EIF4E3: variants seen among roughly 807,000 people sequenced by gnomAD.
EIF4E3 encodes the protein eukaryotic translation initiation factor 4E type 3.
In EIF4E3, 26 loss-of-function variants were observed where a neutral mutation model predicts 31.7. That is an observed-to-expected ratio of 0.82 (90% CI 0.60 to 1.14). EIF4E3 has a LOEUF of 1.14. EIF4E3 is among the 50% of genes most tolerant of loss of function. EIF4E3 has a pLI of 0.00. For missense variants in EIF4E3, 304 were observed against 270.9 expected (o/e 1.12, Z -0.86); for synonymous variants, 128 against 107.7 (o/e 1.19, Z -1.17).
chr3:71,697,575 C>G (rs1006800430), intron 3 of EIF4E3, among the ~76,000 whole-genome samples: 22 of 151,990 alleles, frequency 1.4e-4, no homozygotes, highest in Non-Finnish European at 2.9e-4. Context: ...CACAACTTCC[C>G]AGCTCTGGTA....
chr3:71,688,766 G>T (rs964625895), intron 6 of EIF4E3, among the ~76,000 whole-genome samples: 5 of 152,078 alleles, frequency 3.3e-5, no homozygotes, highest in Non-Finnish European at 7.3e-5. Flanking sequence ...AATAAAAATG[G>T]CATCGGCAAA....
chr3:71,672,489 C>T (rs766338199), downstream of EIF4E3, among the ~76,000 whole-genome samples: 12 of 152,186 alleles, frequency 7.9e-5, no homozygotes, highest in Admixed American at 3.3e-4. Context: ...ACAGCCTGAG[C>T]AGGGAGGAAG....
rs1012967092 is a variant in EIF4E3 at position 71,694,816 on chromosome 3, G to T, written c.406-875C>A. 2.9e-4 allele frequency among the ~76,000 whole-genome samples: 44 copies of T among 152,118 alleles called. 2 individuals are homozygous for T. Among genetic ancestry groups the T allele is most frequent in the African/African-American group, 2.4e-5 (1 of 41,420 alleles). ...AAATAATAATAGGTCCGACCTTCCA[G>T]GGCTGTTGTGGGTATGAAATTAGTC... On this transcript the variant is annotated intron_variant, in intron 4 of 6. Coordinates refer to ENST00000425534, the MANE Select transcript of EIF4E3 (RefSeq NM_001134651.2).
At chr3:71,723,788 C>T (rs868835421) in intron 1 of EIF4E3, among the ~76,000 whole-genome samples, 1 of 152,128 alleles carries the variant, frequency 6.6e-6, no homozygotes, top group African/African-American at 2.4e-5. Flanking sequence ...GCCAAAAGCA[C>T]GCTTGTTATG....
At chr3:71,751,232 AAAAT>A (rs1189905638) in intron 1 of EIF4E3, among the ~76,000 whole-genome samples, 2 of 152,108 alleles carry the variant, frequency 1.3e-5, no homozygotes, top group Non-Finnish European at 2.9e-5. Context: ...ACCCTGTTTC[AAAAT>A]AAATAAAGTC....
the EIF4E3 span, among the ~76,000 whole-genome samples, chr3:71,664,539 C>T: frequency 3.3e-5 from 5 of 152,136 alleles, no homozygotes; most frequent in African/African-American, 1.2e-4. Context: ...ACCAATGGTA[C>T]ACAACCTTGG....
At chr3:71,695,513 A>C (rs988459485) in intron 4 of EIF4E3, among the ~76,000 whole-genome samples, 1 of 152,232 alleles carries the variant, frequency 6.6e-6, no homozygotes, top group Non-Finnish European at 1.5e-5. Context: ...TGAAATTTTA[A>C]GAACACCTTA....
At chr3:71,685,370 AT>A (rs1356701313) in intron 6 of EIF4E3, among the ~76,000 whole-genome samples, 2 of 152,188 alleles carry the variant, frequency 1.3e-5, no homozygotes, top group African/African-American at 4.8e-5. Flanking sequence ...ATATATATAT[AT>A]TTTTTTGAGA....
intron 1 of EIF4E3, among the ~76,000 whole-genome samples, chr3:71,740,048 T>G (rs975591254): frequency 6.6e-6 from 1 of 152,022 alleles, no homozygotes. Flanking sequence ...AAATGTACAC[T>G]GTGAATCCTA....
upstream of EIF4E3, chr3:71,729,127 C>G (rs2108131588): frequency 6.6e-6 from 1 of 152,386 alleles, no homozygotes; most frequent in African/African-American, 2.4e-5. Context: ...GCCCAACTTT[C>G]ATCATCACCA....
At chr3:71,670,006 A>G in the EIF4E3 span, among the ~76,000 whole-genome samples, 18 of 152,312 alleles carry the variant, frequency 1.2e-4, no homozygotes, top group African/African-American at 4.3e-4. Context: ...TGGATTTAAA[A>G]CCACAAACCT....
intron 3 of EIF4E3, among the ~76,000 whole-genome samples, chr3:71,699,388 C>T (rs1440561389): frequency 6.6e-6 from 1 of 152,070 alleles, no homozygotes; most frequent in South Asian, 2.1e-4. Context: ...GGATTTATTA[C>T]TAACTGGGAC....
rs746033675 is a variant in EIF4E3 at position 71,714,265 on chromosome 3, GGAAGGAAA to G, written c.177-3789_177-3782del. ...GGAAAGGAAGGAAGGAAGGAAGGAAGGAAGGAAAGAAGGAAGGAAGGAAGGAAGGAAGG... is the reference window on the plus strand; with the variant it reads ...GGAAAGGAAGGAAGGAAGGAAGGAAGGAAGGAAGGAAGGAAGGAAGGAAGG... On this transcript the variant is annotated intron_variant, in intron 1 of 6. Coordinates refer to ENST00000425534, the MANE Select transcript of EIF4E3 (RefSeq NM_001134651.2). 6.8e-3 allele frequency among the ~76,000 whole-genome samples: 780 copies of G among 114,326 alleles called. 13 individuals carry two copies. Among genetic ancestry groups the G allele is most frequent in the African/African-American group, 0.029 (701 of 23,802 alleles). 75.0% of individuals were successfully genotyped at this position (114,326 alleles called of 152,430 possible).
At chr3:71,728,476 C>T (rs746838630), upstream of EIF4E3, 9 of 152,620 alleles carry the variant, frequency 5.9e-5, no homozygotes, top group Non-Finnish European at 1.3e-4. Context: ...GGTGACTTAC[C>T]CGAGGCCACA....
chr3:71,674,563 C>T (rs2048862723), downstream of EIF4E3, among the ~76,000 whole-genome samples: 1 of 152,104 alleles, frequency 6.6e-6, no homozygotes, highest in African/African-American at 2.4e-5. Context: ...CAATATGGTA[C>T]AATAAGGTAG....
the EIF4E3 span, among the ~76,000 whole-genome samples, chr3:71,663,757 A>G: frequency 1.3e-5 from 2 of 152,204 alleles, no homozygotes; most frequent in African/African-American, 4.8e-5. Flanking sequence ...TTATGCAACA[A>G]AAGTCCTTTG....
At chr3:71,717,625 A>G (rs1478008616) in intron 1 of EIF4E3, among the ~76,000 whole-genome samples, 1 of 152,148 alleles carries the variant, frequency 6.6e-6, no homozygotes, top group Admixed American at 6.6e-5. Flanking sequence ...ATACTTTAGG[A>G]TGAGAGAATT....
chr3:71,668,909 G>T, the EIF4E3 span, among the ~76,000 whole-genome samples: 17 of 152,144 alleles, frequency 1.1e-4, no homozygotes, highest in South Asian at 2.1e-4. Flanking sequence ...ATACCCAAAG[G>T]ATTATAAATC....
chr3:71,715,541 C>G (rs2049451854), intron 1 of EIF4E3, among the ~76,000 whole-genome samples: 1 of 152,144 alleles, frequency 6.6e-6, no homozygotes. Context: ...TGATAATGAC[C>G]ATTCCTAGTA....
Sources: allele counts gnomAD v4.1 joint callset (sites outside exome capture counted in the v4.1 genomes callset), GRCh38; gene constraint gnomAD v4.1.1; transcripts MANE v1.5; gene names NCBI Gene and HGNC (gene_info 2026-07-23, HGNC 2026-07-21).